The following DNAH7 variants were observed in gnomAD, a reference collection of about 807,000 sequenced individuals.
DNAH7 encodes dynein axonemal heavy chain 7.
A neutral mutation model predicts 444.6 loss-of-function variants in DNAH7; 397 were observed. The observed-to-expected ratio is 0.89, with a 90% CI of 0.82 to 0.97. The LOEUF is 0.97. Ranked by LOEUF, DNAH7 falls within the 50% of genes least tolerant of loss-of-function variation. The pLI is 0.00. For synonymous variants in DNAH7, 1,636 were observed against 1,624.4 expected (o/e 1.01, Z -0.17); for missense variants, 4,902 against 4,800.8 (o/e 1.02, Z -0.62).
chr2:195,764,558 G>A (rs11901479), intron 61 of DNAH7, among the ~76,000 whole-genome samples: 69,866 of 151,882 alleles, frequency 0.46, 17,458 homozygotes, highest in Non-Finnish European at 0.57. Context: ...TAAAATCAAC[G>A]TACAAAAATT....
intron 5 of DNAH7, among the ~76,000 whole-genome samples, chr2:196,045,092 A>G (rs914057217): frequency 9.3e-5 from 14 of 150,586 alleles, no homozygotes; most frequent in African/African-American, 3.2e-4. Flanking sequence ...AGAAGAAAAG[A>G]AGGAGAAGGT....
chr2:195,885,619 T>A lies in DNAH7; in HGVS notation c.5538+522A>T, dbSNP rs903247054. Among the ~76,000 whole-genome samples the A allele has an allele frequency of 2.6e-5, 4 of 152,340 alleles. No homozygotes were observed. In the South Asian group the frequency reaches 8.3e-4, roughly 32 times the overall value. On this transcript the variant is annotated intron_variant, in intron 34 of 64. Transcript: ENST00000312428. ...ACGAGTAATGCAGTAATATTTTCAT[T>A]AAAAAATCCAAAGTCTACTGATATT...
intron 58 of DNAH7, among the ~76,000 whole-genome samples, chr2:195,781,086 AACAAAT>A (rs923516590): frequency 6.6e-6 from 1 of 152,186 alleles, no homozygotes; most frequent in Non-Finnish European, 1.5e-5. Context: ...TGAAAAAAAA[AACAAAT>A]CAAATCAGGA....
At chr2:195,981,477 C>T (rs79997271) in intron 15 of DNAH7, among the ~76,000 whole-genome samples, 1,724 of 151,220 alleles carry the variant, frequency 0.011, 35 homozygotes, top group East Asian at 0.075. Context: ...AAAATTTATA[C>T]GAAACCGCAA....
At chr2:196,005,307 A>C (rs546748944) in intron 10 of DNAH7, among the ~76,000 whole-genome samples, 1 of 148,052 alleles carries the variant, frequency 6.8e-6, no homozygotes, top group African/African-American at 2.5e-5. Flanking sequence ...AACAAACAAA[A>C]ATATATATAT....
chr2:195,988,918 T>C (rs1382518668), intron 12 of DNAH7, among the ~76,000 whole-genome samples: 1 of 152,126 alleles, frequency 6.6e-6, no homozygotes, highest in African/African-American at 2.4e-5. Context: ...AGATTCAACA[T>C]ATAAGTGAGA....
At chr2:195,940,765 GA>G (rs1340605588) in intron 19 of DNAH7, among the ~76,000 whole-genome samples, 1 of 151,836 alleles carries the variant, frequency 6.6e-6, no homozygotes, top group East Asian at 1.9e-4. Context: ...ACAAACCTAT[GA>G]AAAAAAGCTC....
At chr2:195,766,167 A>ATTTT (rs755912873) in intron 61 of DNAH7, among the ~76,000 whole-genome samples, 691 of 57,312 alleles carry the variant, frequency 0.012, 88 homozygotes, top group African/African-American at 0.033. Flanking sequence ...GTGGGAGCTA[A>ATTTT]TTTTTTTTTT....
intron 33 of DNAH7, 29 bp downstream of exon 33, chr2:195,888,229 T>C: frequency 6.4e-7 from 1 of 1,559,410 alleles, no homozygotes; most frequent in Admixed American, 2.0e-5. Context: ...CCATTTATTT[T>C]TTAATCTTAA....
intron 4 of DNAH7, among the ~76,000 whole-genome samples, chr2:196,048,075 C>A (rs1181744194): frequency 6.6e-6 from 1 of 152,090 alleles, no homozygotes; most frequent in Non-Finnish European, 1.5e-5. Context: ...ATCAACAACC[C>A]AATTCCTAAA....
At position 195,777,799 on chromosome 2, in the gene DNAH7, C is replaced by A; in HGVS notation, c.11064+1G>T. The A allele has an allele frequency of 6.2e-7, 1 of 1,608,002 alleles. No homozygotes were observed. The highest frequency in any genetic ancestry group is 1.7e-4 in the Middle Eastern group (1 of 6,042). On this transcript the variant is annotated splice_donor_variant, in intron 59 of 64. Transcript: ENST00000312428. LOFTEE classifies it high-confidence loss of function. Reference sequence around the variant, plus strand: ...TTAGTTTTTTTGAAGGGCATACTTACATCACCAGAAGGAGGAACAAAATAG... The same window carrying A: ...TTAGTTTTTTTGAAGGGCATACTTAAATCACCAGAAGGAGGAACAAAATAG...
Position 195,754,420 on chromosome 2 carries a change from C to T in DNAH7, c.11681G>A (p.Arg3894Lys). The T allele has an allele frequency of 6.2e-7, 1 of 1,614,048 alleles. No homozygotes were observed. Among genetic ancestry groups the T allele is most frequent in the Non-Finnish European group, 8.5e-7 (1 of 1,179,982 alleles). ...AAGATCAATAGGAATTGTGTATTTC[C>T]TGGCGTAGTTCTGCTGGGCACCGGT... is the stretch of plus-strand genomic sequence containing the variant. ...FLTGAQQNYA[R>K]KYTIPIDLLG... Residue 3894 changes from arginine to lysine, a missense_variant, in exon 63 of 65, where the codon AGG becomes AAG. Physicochemically the swap from Arg to Lys is conservative, Grantham distance 26 (BLOSUM62 2). Coordinates refer to ENST00000312428, the MANE Select transcript of DNAH7 (RefSeq NM_018897.3).
chr2:195,949,718 C>G (rs1482389397), intron 19 of DNAH7, among the ~76,000 whole-genome samples: 1 of 152,130 alleles, frequency 6.6e-6, no homozygotes, highest in Non-Finnish European at 1.5e-5. Flanking sequence ...TTTGCCCATT[C>G]AGTATGATAT....
chr2:196,044,664 C>T (rs1390103569), intron 5 of DNAH7, among the ~76,000 whole-genome samples: 2 of 152,016 alleles, frequency 1.3e-5, no homozygotes, highest in Non-Finnish European at 2.9e-5. Context: ...GGGAAAACTG[C>T]TATTATTCTT....
chr2:195,925,850 C>T (rs2125367237), intron 22 of DNAH7, among the ~76,000 whole-genome samples: 1 of 152,208 alleles, frequency 6.6e-6, no homozygotes, highest in Middle Eastern at 3.4e-3. Flanking sequence ...GATAGAACTG[C>T]TGCAATGAAT....
intron 14 of DNAH7, among the ~76,000 whole-genome samples, chr2:195,986,434 C>A (rs537991944): frequency 8.8e-4 from 134 of 152,146 alleles, no homozygotes; most frequent in African/African-American, 3.0e-3. Context: ...TAAAATATAT[C>A]CTGATTATTT....
intron 61 of DNAH7, among the ~76,000 whole-genome samples, chr2:195,761,550 A>G (rs573017630): frequency 2.0e-5 from 3 of 152,284 alleles, no homozygotes; most frequent in Admixed American, 1.3e-4. Flanking sequence ...TCAAACTCCC[A>G]AAGGTAGTAA....
intron 6 of DNAH7, 24 bp downstream of exon 6, chr2:196,027,936 C>T: frequency 1.2e-6 from 2 of 1,600,598 alleles, no homozygotes; most frequent in Non-Finnish European, 8.5e-7. Context: ...TTCAATTATA[C>T]AGACAAAACA....
intron 1 of DNAH7, among the ~76,000 whole-genome samples, chr2:196,066,324 T>C (rs893066505): frequency 2.0e-5 from 3 of 152,262 alleles, no homozygotes; most frequent in Non-Finnish European, 4.4e-5. Flanking sequence ...ACCATGCTGT[T>C]GGTCTCATAT....
Sources: gnomAD v4.1 joint callset for allele counts (sites outside exome capture counted in the v4.1 genomes callset) on GRCh38, gnomAD v4.1.1 for gene constraint, MANE v1.5 for transcripts, NCBI Gene and HGNC (gene_info 2026-07-23, HGNC 2026-07-21) for gene names.